Variants in SPAG17 observed in about 807,000 individuals in gnomAD.
SPAG17 encodes the protein sperm associated antigen 17.
Under a neutral mutation model 273.6 loss-of-function variants are expected in SPAG17, and 169 were observed. That is an observed-to-expected ratio of 0.62 (90% CI 0.55 to 0.70). The LOEUF (loss-of-function observed/expected upper bound fraction) is 0.70, where lower values mean the gene tolerates loss of function less well. SPAG17 is among the 30% of genes least tolerant of loss of function. The probability of loss-of-function intolerance (pLI) is 0.00; values close to 1 mark genes in which losing one functional copy is unlikely to be tolerated. For missense variants in SPAG17, 2,557 were observed against 2,627.8 expected (o/e 0.97, Z 0.59); for synonymous variants, 825 against 873.2 (o/e 0.94, Z 0.97).
chr1:118,139,631 T>A (rs958988096), intron 3 of SPAG17, among the ~76,000 whole-genome samples: 4 of 152,128 alleles, frequency 2.6e-5, no homozygotes, highest in Non-Finnish European at 5.9e-5. Context: ...CTATTCAGCC[T>A]TAAAAAAGAA....
In SPAG17 at chr1:118,081,407, C is replaced by A. The variant is rs1654559206; in HGVS notation, c.1990+8G>T. On this transcript the variant is annotated splice_region_variant and intron_variant, in intron 14 of 48. Transcript: ENST00000336338. ...AAGAATGCTTTCCATTCCCTCCATGCAGTGTACCTGCTTTCTGCTTGGCCT... is the reference window on the plus strand; with the variant it reads ...AAGAATGCTTTCCATTCCCTCCATGAAGTGTACCTGCTTTCTGCTTGGCCT... The A allele has an allele frequency of 6.2e-7, 1 of 1,613,086 alleles. No individual in the cohort carries two copies. Among genetic ancestry groups the A allele is most frequent in the African/African-American group, 1.3e-5 (1 of 74,854 alleles).
At chr1:118,087,309 TAAC>T (rs1655072914) in intron 10 of SPAG17, 2 of 233,472 alleles carry the variant, frequency 8.6e-6, no homozygotes, top group Non-Finnish European at 1.6e-5. Flanking sequence ...AATAGAATAA[TAAC>T]ATTTTTTCTT....
At chr1:118,167,646 T>C (rs1168153574) in intron 1 of SPAG17, among the ~76,000 whole-genome samples, 1 of 152,154 alleles carries the variant, frequency 6.6e-6, no homozygotes, top group East Asian at 1.9e-4. Context: ...AATTTGAGGA[T>C]GATAATTAAC....
chr1:118,162,681 C>T (rs1167883301), intron 1 of SPAG17, among the ~76,000 whole-genome samples: 1 of 152,040 alleles, frequency 6.6e-6, no homozygotes, highest in Non-Finnish European at 1.5e-5. Context: ...GCATGTGCTG[C>T]CCTAGAAATG....
At chr1:118,138,250 T>C (rs1245030606) in intron 3 of SPAG17, among the ~76,000 whole-genome samples, 1 of 152,206 alleles carries the variant, frequency 6.6e-6, no homozygotes, top group Non-Finnish European at 1.5e-5. Context: ...ACAAATACGT[T>C]GTTTGCAAAA....
At chr1:118,000,235 A>G (rs960308587) in intron 32 of SPAG17, among the ~76,000 whole-genome samples, 5 of 152,140 alleles carry the variant, frequency 3.3e-5, no homozygotes, top group Admixed American at 1.3e-4. Context: ...GCCTTGTAGT[A>G]TAGTTTGAAG....
At position 118,065,171 on chromosome 1, in the gene SPAG17, AG is replaced by A. The variant is rs753522664; in HGVS notation, c.2540+1573del. Among the ~76,000 whole-genome samples, 151 of 152,288 alleles carry A rather than the reference AG, an allele frequency of 9.9e-4. 2 individuals carry two copies. The highest frequency in any genetic ancestry group is 3.5e-4 in the Non-Finnish European group (24 of 68,002). On this transcript the variant is annotated intron_variant, in intron 18 of 48. Transcript: ENST00000336338. ...ACGTAACACAGGTTTAAAAGGTAAA[AG>A]AATATTTTAATGAACTTTATGTCAA...
At chr1:118,073,312 G>A (rs559992163) in intron 17 of SPAG17, among the ~76,000 whole-genome samples, 1 of 152,248 alleles carries the variant, frequency 6.6e-6, no homozygotes, top group South Asian at 2.1e-4. Context: ...TGGTCAAGGT[G>A]CCTCAGTTTC....
In SPAG17 at chr1:118,097,439, C is replaced by T. The variant is rs188861983; in HGVS notation, c.1011+231G>A. Among the ~76,000 whole-genome samples the T allele has an allele frequency of 3.9e-3, 598 of 152,240 alleles. 5 individuals are homozygous for T. Among genetic ancestry groups the T allele is most frequent in the African/African-American group, 0.014 (571 of 41,560 alleles). ...TAAAAGAATCACCATCCTTTTGATC[C>T]TCATCTACTACATCTTATTATTTGT... On this transcript the variant is annotated intron_variant, in intron 7 of 48. Transcript: ENST00000336338.
chr1:118,093,470 C>T (rs1454193885), intron 7 of SPAG17, among the ~76,000 whole-genome samples, 153 bp from the exon 8 acceptor site: 1 of 152,130 alleles, frequency 6.6e-6, no homozygotes, highest in African/African-American at 2.4e-5. Flanking sequence ...ACCATGGTGA[C>T]CCCATTTATA....
chr1:118,000,131 G>T (rs1290144455), intron 32 of SPAG17, among the ~76,000 whole-genome samples: 1 of 152,176 alleles, frequency 6.6e-6, no homozygotes, highest in African/African-American at 2.4e-5. Context: ...TCAGATGTTT[G>T]TAGATGTGTG....
At chr1:118,082,442 T>C (rs1473853925) in intron 13 of SPAG17, among the ~76,000 whole-genome samples, 1 of 152,054 alleles carries the variant, frequency 6.6e-6, no homozygotes, top group Admixed American at 6.5e-5. Flanking sequence ...AAGCAGCAGG[T>C]CCTTTGGGAA....
At chr1:118,075,134 T>C (rs765307688) in intron 15 of SPAG17, among the ~76,000 whole-genome samples, 56 of 152,224 alleles carry the variant, frequency 3.7e-4, no homozygotes, top group Non-Finnish European at 6.8e-4. Context: ...CTTCCATTCA[T>C]TAATCATTTA....
intron 32 of SPAG17, 67 bp downstream of exon 32, chr1:118,005,347 T>A: frequency 7.4e-7 from 1 of 1,353,126 alleles, no homozygotes; most frequent in African/African-American, 1.5e-5. Context: ...ACATGGAAGC[T>A]TTGTAGTGTG....
chr1:118,122,904 G>A (rs1243146081), intron 3 of SPAG17, among the ~76,000 whole-genome samples: 2 of 152,158 alleles, frequency 1.3e-5, no homozygotes, highest in Non-Finnish European at 2.9e-5. Context: ...GGAGCAACTG[G>A]GCAGTGAGAC....
chr1:118,140,438 TAAC>T (rs1382774041), intron 3 of SPAG17, among the ~76,000 whole-genome samples: 1 of 152,170 alleles, frequency 6.6e-6, no homozygotes, highest in Non-Finnish European at 1.5e-5. Flanking sequence ...TCATAAATTA[TAAC>T]ACCACTTTTT....
intron 3 of SPAG17, among the ~76,000 whole-genome samples, chr1:118,147,694 G>C (rs898107745): frequency 6.6e-6 from 1 of 152,114 alleles, no homozygotes; most frequent in Non-Finnish European, 1.5e-5. Flanking sequence ...AAGGTTTCAG[G>C]GGAAATTACA....
At chr1:118,171,230 T>A (rs1660402865) in intron 1 of SPAG17, among the ~76,000 whole-genome samples, 1 of 152,040 alleles carries the variant, frequency 6.6e-6, no homozygotes, top group African/African-American at 2.4e-5. Flanking sequence ...GCAAGGTCCA[T>A]GTAAAATGTT....
At chr1:117,968,019 C>T (rs1463253877) in intron 46 of SPAG17, among the ~76,000 whole-genome samples, 1 of 152,086 alleles carries the variant, frequency 6.6e-6, no homozygotes, top group East Asian at 1.9e-4. Flanking sequence ...AGCAGCAGAC[C>T]CTTCTCCTCC....
Sources: allele counts gnomAD v4.1 joint callset (sites outside exome capture counted in the v4.1 genomes callset), GRCh38; gene constraint gnomAD v4.1.1; transcripts MANE v1.5; gene names NCBI Gene and HGNC (gene_info 2026-07-23, HGNC 2026-07-21).